NALF1: variants seen among roughly 807,000 people sequenced by gnomAD.
The protein encoded by NALF1 is NALCN channel auxiliary factor 1.
NALF1 carries 3 observed loss-of-function variants against 48.4 expected under a neutral mutation model. The observed-to-expected ratio is 0.06, with a 90% CI of 0.03 to 0.16. NALF1 has a LOEUF of 0.16. Among genes scored for constraint, NALF1 ranks in the 10% least tolerant of loss-of-function variants. The pLI, the probability that NALF1 is intolerant of heterozygous loss-of-function variation, is 1.00. For synonymous variants in NALF1, 262 were observed against 245.7 expected, an observed-to-expected ratio of 1.07 and a Z score of -0.62; for missense variants, 526 against 571.5, an observed-to-expected ratio of 0.92 and a Z score of 0.81.
At chr13:107,668,779 A>G (rs886839979) in intron 1 of NALF1, among the ~76,000 whole-genome samples, 16 of 152,068 alleles carry the variant, frequency 1.1e-4, no homozygotes, top group Admixed American at 3.3e-4. Flanking sequence ...TAAATCTAAT[A>G]GCTTTTCATT....
intron 1 of NALF1, among the ~76,000 whole-genome samples, chr13:107,650,160 T>C (rs1236401486): frequency 2.6e-5 from 4 of 152,046 alleles, no homozygotes; most frequent in African/African-American, 7.2e-5. Context: ...TCATTAATGA[T>C]ATAGTTTCGA....
rs558651987 is a variant in NALF1 at position 107,810,402 on chromosome 13, G to A, written c.915+55280C>T. 2.3e-4 allele frequency among the ~76,000 whole-genome samples: 35 copies of A among 151,790 alleles called. 1 individual carries two copies. In the South Asian group the frequency reaches 6.9e-3, roughly 30 times the overall value. On this transcript the variant is annotated intron_variant, in intron 1 of 2. Coordinates refer to ENST00000375915, the MANE Select transcript of NALF1 (RefSeq NM_001080396.3). ...CCTGAAGTCTATCTCTCCCAGATTC[G>A]GGCACCATTCCTCTTTTCTTCTTGC... is the stretch of plus-strand genomic sequence containing the variant.
intron 1 of NALF1, among the ~76,000 whole-genome samples, chr13:107,221,662 A>G (rs1181359795): frequency 6.6e-6 from 1 of 152,186 alleles, no homozygotes; most frequent in Non-Finnish European, 1.5e-5. Flanking sequence ...GGTATCTGTG[A>G]TGTGAGTGAT....
chr13:107,406,515 C>T (rs1190698807), intron 1 of NALF1, among the ~76,000 whole-genome samples: 1 of 151,874 alleles, frequency 6.6e-6, no homozygotes, highest in African/African-American at 2.4e-5. Flanking sequence ...TTAAAGATGA[C>T]ATACCAAAAA....
At chr13:107,421,289 G>T (rs1884182238) in intron 1 of NALF1, among the ~76,000 whole-genome samples, 1 of 152,030 alleles carries the variant, frequency 6.6e-6, no homozygotes, top group Admixed American at 6.6e-5. Context: ...TTCCTCCTCA[G>T]ATATATCTCA....
intron 1 of NALF1, among the ~76,000 whole-genome samples, chr13:107,252,097 C>T (rs1016674679): frequency 6.6e-6 from 1 of 152,106 alleles, no homozygotes; most frequent in African/African-American, 2.4e-5. Flanking sequence ...GCCTCTACCA[C>T]CCCCACTGGG....
At chr13:107,793,530 A>G (rs760898402) in intron 1 of NALF1, among the ~76,000 whole-genome samples, 24 of 152,230 alleles carry the variant, frequency 1.6e-4, no homozygotes, top group Non-Finnish European at 3.2e-4. Flanking sequence ...CAAAGACACC[A>G]GTTGATGCCA....
intron 1 of NALF1, among the ~76,000 whole-genome samples, chr13:107,314,951 C>T (rs116189431): frequency 0.015 from 2,258 of 152,232 alleles, 64 homozygotes; most frequent in African/African-American, 0.052. Flanking sequence ...AGCATTTTCA[C>T]TGTGCTCCTT....
At chr13:107,530,563 A>C (rs1482476057) in intron 1 of NALF1, among the ~76,000 whole-genome samples, 1 of 152,158 alleles carries the variant, frequency 6.6e-6, no homozygotes, top group Non-Finnish European at 1.5e-5. Flanking sequence ...ATTTTAGTAT[A>C]TTCATAACAT....
At chr13:107,752,238 A>G (rs1876960861) in intron 1 of NALF1, among the ~76,000 whole-genome samples, 1 of 152,130 alleles carries the variant, frequency 6.6e-6, no homozygotes, top group Admixed American at 6.6e-5. Context: ...GTCTTTCACC[A>G]TTGTATTAGC....
At chr13:107,291,301 G>C (rs2138882808) in intron 1 of NALF1, among the ~76,000 whole-genome samples, 1 of 152,040 alleles carries the variant, frequency 6.6e-6, no homozygotes, top group Non-Finnish European at 1.5e-5. Context: ...GCATAACATA[G>C]GTTGAGCATC....
At chr13:107,582,846 T>C (rs1878353419) in intron 1 of NALF1, among the ~76,000 whole-genome samples, 1 of 152,170 alleles carries the variant, frequency 6.6e-6, no homozygotes, top group Non-Finnish European at 1.5e-5. Context: ...GTGTAATCAA[T>C]GTGTAGCCTA....
chr13:107,700,609 C>T (rs371694782), intron 1 of NALF1, among the ~76,000 whole-genome samples: 4 of 151,912 alleles, frequency 2.6e-5, no homozygotes, highest in Admixed American at 6.6e-5. Context: ...GTTCAGTCCA[C>T]GAAAGCAAAA....
chr13:107,692,580 T>C (rs2138505122), intron 1 of NALF1, among the ~76,000 whole-genome samples: 1 of 152,204 alleles, frequency 6.6e-6, no homozygotes, highest in East Asian at 1.9e-4. Context: ...TACTTGCTGC[T>C]AAAGAAACCC....
chr13:107,724,739 TTTTTTG>T (rs1157810991), intron 1 of NALF1, among the ~76,000 whole-genome samples: 1 of 151,986 alleles, frequency 6.6e-6, no homozygotes, highest in Non-Finnish European at 1.5e-5. Flanking sequence ...TTTTTGTGGT[TTTTTTG>T]TTTTTGTTTT....
intron 1 of NALF1, among the ~76,000 whole-genome samples, chr13:107,715,481 C>A (rs747878616): frequency 6.6e-6 from 1 of 152,122 alleles, no homozygotes; most frequent in Non-Finnish European, 1.5e-5. Context: ...GGATTATAGG[C>A]GTGAGCCACC....
intron 1 of NALF1, among the ~76,000 whole-genome samples, chr13:107,390,103 C>T (rs921101124): frequency 6.6e-6 from 1 of 152,102 alleles, no homozygotes; most frequent in Non-Finnish European, 1.5e-5. Context: ...GGCAACATGG[C>T]TCACACCTGT....
chr13:107,759,267 G>GGCTGGAGT lies in NALF1; in HGVS notation c.915+106414_915+106415insACTCCAGC, dbSNP rs553135101. Among the ~76,000 whole-genome samples the GGCTGGAGT allele has an allele frequency of 2.6e-4, 40 of 152,284 alleles. No homozygotes were observed. In the South Asian group the frequency reaches 4.1e-3, roughly 16 times the overall value. ...TCTGTCACCCAGGCTGGAGTGCAGTGGCATGATCTCAGCTCACTGGATCCT... is the reference window on the plus strand; with the variant it reads ...TCTGTCACCCAGGCTGGAGTGCAGTGGCTGGAGTGCATGATCTCAGCTCACTGGATCCT... On this transcript the variant is annotated intron_variant, in intron 1 of 2. Coordinates refer to ENST00000375915, the MANE Select transcript of NALF1 (RefSeq NM_001080396.3).
chr13:107,348,655 C>T (rs1249622747), intron 1 of NALF1, among the ~76,000 whole-genome samples: 2 of 151,874 alleles, frequency 1.3e-5, no homozygotes, highest in Non-Finnish European at 2.9e-5. Flanking sequence ...CACATGTTCT[C>T]ATTGTTCAAC....
Sources: allele counts gnomAD v4.1 joint callset (sites outside exome capture counted in the v4.1 genomes callset), GRCh38; gene constraint gnomAD v4.1.1; transcripts MANE v1.5; gene names NCBI Gene and HGNC (gene_info 2026-07-23, HGNC 2026-07-21).